Variants in ETV6 observed in about 807,000 individuals in gnomAD.
The protein encoded by ETV6 is ETS variant transcription factor 6.
Under a neutral mutation model 51.1 loss-of-function variants are expected in ETV6, and 16 were observed. The observed-to-expected ratio is 0.31, with a 90% CI of 0.21 to 0.48. ETV6 has a LOEUF of 0.48. Ranked by LOEUF, ETV6 falls within the 20% of genes least tolerant of loss-of-function variation. ETV6 has a pLI of 0.99. For missense variants in ETV6, 458 were observed against 594.8 expected (o/e 0.77, Z 2.39); for synonymous variants, 240 against 224.1 (o/e 1.07, Z -0.64).
At chr12:11,751,858 C>T (rs779684366) in intron 1 of ETV6, 18 of 509,398 alleles carry the variant, frequency 3.5e-5, no homozygotes, top group Admixed American at 3.4e-4. Flanking sequence ...AAAAATTAGA[C>T]GTTGGATATT....
chr12:11,868,779 A>G (rs1341087926), intron 4 of ETV6, among the ~76,000 whole-genome samples: 1 of 152,208 alleles, frequency 6.6e-6, no homozygotes, highest in African/African-American at 2.4e-5. Context: ...AGAAACCTGT[A>G]AGAACCCTTC....
In ETV6 at chr12:11,853,495, T is replaced by C. The variant is rs1264934100; in HGVS notation, c.397T>C (p.Phe133Leu). Residue 133 changes from phenylalanine to leucine, a missense_variant, in exon 4 of 8, where the codon TTC (phenylalanine) becomes CTC (leucine). By Grantham distance (22) the Phe-to-Leu change is conservative. Around this residue, in one of 4 missense-constraint regions of ETV6, gnomAD observed 293 missense variants for 315.7 expected, o/e 0.93. Coordinates refer to ENST00000396373, the MANE Select transcript of ETV6 (RefSeq NM_001987.5). ...QRKPRILFSPFFHPGNSIHTQ... is the reference protein window; with the variant it reads ...QRKPRILFSPLFHPGNSIHTQ... Reference sequence around the variant, plus strand: ...GAAACCTCGGATTCTTTTTTCACCATTCTTCCACCCTGGAAACTCTATACA... The same window carrying C: ...GAAACCTCGGATTCTTTTTTCACCACTCTTCCACCCTGGAAACTCTATACA... 2.5e-6 allele frequency: 4 copies of C among 1,614,110 alleles called. No individual in the cohort carries two copies. Among genetic ancestry groups the C allele is most frequent in the Non-Finnish European group, 3.4e-6 (4 of 1,180,040 alleles).
At chr12:11,827,068 T>TCACACACA (rs1491232978) in intron 2 of ETV6, among the ~76,000 whole-genome samples, 6 of 100,420 alleles carry the variant, frequency 6.0e-5, no homozygotes, top group African/African-American at 2.6e-4. Flanking sequence ...GAGAAGTCTG[T>TCACACACA]CTCACACACA....
intron 1 of ETV6, among the ~76,000 whole-genome samples, chr12:11,736,777 T>A (rs532684285): frequency 7.7e-4 from 117 of 152,332 alleles, no homozygotes; most frequent in African/African-American, 2.7e-3. Context: ...AAGATTTTTA[T>A]GTAGACAGTT....
intron 1 of ETV6, among the ~76,000 whole-genome samples, chr12:11,657,808 G>A (rs775117197): frequency 5.3e-5 from 8 of 152,156 alleles, no homozygotes; most frequent in Non-Finnish European, 8.8e-5. Flanking sequence ...CACGTCTTTC[G>A]ATTTTGACTT....
At chr12:11,757,580 G>A (rs1211557616) in intron 2 of ETV6, among the ~76,000 whole-genome samples, 2 of 152,196 alleles carry the variant, frequency 1.3e-5, no homozygotes, top group South Asian at 2.1e-4. Context: ...TGAGCTGACC[G>A]TGTCTCCGAT....
At chr12:11,717,809 T>C (rs1195128711) in intron 1 of ETV6, among the ~76,000 whole-genome samples, 1 of 152,132 alleles carries the variant, frequency 6.6e-6, no homozygotes, top group African/African-American at 2.4e-5. Context: ...ACACTGTGAG[T>C]GTCCCCTGAT....
At chr12:11,764,914 A>G (rs1374467296) in intron 2 of ETV6, among the ~76,000 whole-genome samples, 2 of 152,208 alleles carry the variant, frequency 1.3e-5, no homozygotes, top group Non-Finnish European at 2.9e-5. Context: ...TTAAAGAGGA[A>G]AAGGAACTTG....
At chr12:11,813,604 T>G (rs1418060768) in intron 2 of ETV6, among the ~76,000 whole-genome samples, 1 of 151,892 alleles carries the variant, frequency 6.6e-6, no homozygotes, top group Non-Finnish European at 1.5e-5. Context: ...CCTCCCTCTT[T>G]CCTTCTCTTT....
At chr12:11,817,760 A>C (rs1465204779) in intron 2 of ETV6, among the ~76,000 whole-genome samples, 1 of 152,198 alleles carries the variant, frequency 6.6e-6, no homozygotes, top group African/African-American at 2.4e-5. Context: ...GGGGAGTACA[A>C]AGTCAAACAT....
intron 2 of ETV6, among the ~76,000 whole-genome samples, chr12:11,801,093 C>G (rs1278111120): frequency 6.6e-6 from 1 of 152,150 alleles, no homozygotes; most frequent in Non-Finnish European, 1.5e-5. Context: ...AATTTGTCCT[C>G]ACTCATCCCA....
At chr12:11,668,537 G>A (rs1864241123) in intron 1 of ETV6, among the ~76,000 whole-genome samples, 1 of 152,122 alleles carries the variant, frequency 6.6e-6, no homozygotes, top group Non-Finnish European at 1.5e-5. Context: ...TCTTCTATGT[G>A]GTAAAGGTGG....
At chr12:11,678,480 T>C (rs1342321496) in intron 1 of ETV6, among the ~76,000 whole-genome samples, 1 of 152,232 alleles carries the variant, frequency 6.6e-6, no homozygotes, top group African/African-American at 2.4e-5. Context: ...TTTTTCCTCC[T>C]GATTTCCTTT....
intron 1 of ETV6, among the ~76,000 whole-genome samples, chr12:11,650,386 C>T (rs1259274864): frequency 6.7e-6 from 1 of 149,042 alleles, no homozygotes; most frequent in Non-Finnish European, 1.5e-5. Context: ...CGGCCCCCAC[C>T]CCCTTGCTTT....
At chr12:11,867,909 C>T (rs1473923165) in intron 4 of ETV6, among the ~76,000 whole-genome samples, 1 of 152,166 alleles carries the variant, frequency 6.6e-6, no homozygotes, top group Non-Finnish European at 1.5e-5. Flanking sequence ...CCTTCTGCAC[C>T]TTAGCAGGGA....
chr12:11,717,251 A>T (rs1338452591), intron 1 of ETV6, among the ~76,000 whole-genome samples: 5 of 152,234 alleles, frequency 3.3e-5, no homozygotes, highest in African/African-American at 1.2e-4. Flanking sequence ...ACAAACCTGG[A>T]GCCAAGGGGG....
intron 5 of ETV6, among the ~76,000 whole-genome samples, chr12:11,881,599 A>T (rs189190086): frequency 3.9e-5 from 6 of 152,308 alleles, no homozygotes; most frequent in East Asian, 3.9e-4. Context: ...GGCCTCTTTT[A>T]AAAGGGCACT....
At chr12:11,849,722 A>G (rs1591718293) in intron 3 of ETV6, among the ~76,000 whole-genome samples, 1 of 152,194 alleles carries the variant, frequency 6.6e-6, no homozygotes, top group Admixed American at 6.5e-5. Context: ...CTGGCTACCC[A>G]TCACTGGAAG....
intron 1 of ETV6, among the ~76,000 whole-genome samples, chr12:11,671,390 TAGAA>T (rs1235253822): frequency 2.0e-5 from 3 of 152,188 alleles, no homozygotes; most frequent in Non-Finnish European, 4.4e-5. Context: ...TAGATTTGGA[TAGAA>T]AGAAATGAGA....
Sources: gnomAD v4.1 joint callset for allele counts (sites outside exome capture counted in the v4.1 genomes callset) on GRCh38, gnomAD v4.1.1 for gene constraint, gnomAD v4.1.1 regional missense constraint, MANE v1.5 for transcripts, NCBI Gene and HGNC (gene_info 2026-07-23, HGNC 2026-07-21) for gene names.